The following SCNN1D variants were observed in gnomAD, a reference collection of about 807,000 sequenced individuals.
The protein encoded by SCNN1D is epithelial sodium channel subunit delta.
SCNN1D carries 104 observed loss-of-function variants against 87.8 expected under a neutral mutation model. The ratio of observed to expected loss-of-function variants is 1.18; its 90% CI spans 1.01 to 1.39. The LOEUF is 1.39. SCNN1D is among the 40% of genes most tolerant of loss of function. The pLI is 0.00. For missense variants in SCNN1D, 1,324 were observed against 1,093.9 expected, an observed-to-expected ratio of 1.21 and a Z score of -2.97; for synonymous variants, 628 against 481.2, an observed-to-expected ratio of 1.31 and a Z score of -3.99.
At chr1:1,285,809 G>A in intron 6 of SCNN1D, 117 bp from the exon 7 acceptor site, 2 of 1,234,928 alleles carry the variant, frequency 1.6e-6, no homozygotes, top group Non-Finnish European at 2.2e-6. Flanking sequence ...GGAGGGGCTT[G>A]TCCGAGCGAC....
Position 1,287,492 on chromosome 1 carries a change from T to C in SCNN1D, c.1311-16T>C, listed in dbSNP as rs2100329938. ...GCAGCCGACATTCAAGGTCTGAGCT[T>C]GGCTTCTCATTCCAGACAGTTCCGG... On this transcript the variant is annotated splice_polypyrimidine_tract_variant and intron_variant, in intron 9 of 17. Coordinates refer to ENST00000379116, the MANE Select transcript of SCNN1D (RefSeq NM_001130413.4). The C allele has an allele frequency of 6.6e-7, 1 of 1,517,578 alleles. No homozygotes were observed. The highest frequency in any genetic ancestry group is 8.8e-7 in the Non-Finnish European group (1 of 1,131,538). 94.0% of individuals were successfully genotyped at this position (1,517,578 alleles called of 1,614,324 possible).
At chr1:1,286,443 C>T (rs1237767183) in intron 7 of SCNN1D, among the ~76,000 whole-genome samples, 165 bp downstream of exon 7, 2 of 152,108 alleles carry the variant, frequency 1.3e-5, no homozygotes, top group East Asian at 1.9e-4. Context: ...GTGCCCAGCC[C>T]GGACCTCTCG....
rs571695833 is a variant in SCNN1D at position 1,287,120 on chromosome 1, G to A, written c.1131G>A (p.Thr377=). ...VRVGFRLCNS[T]GGDCFYRGYT... is the part of the protein sequence containing the mutation. ...CTCCCCTCTCCCAGTGCAACAGCAC[G>A]GGCGGCGACTGCTTTTACCGAGGCT... The change falls in exon 9 of 18, where the codon ACG becomes ACA. Residue 377 remains threonine (T), a synonymous_variant. Coordinates refer to ENST00000379116, the MANE Select transcript of SCNN1D (RefSeq NM_001130413.4). 38 of 1,595,298 alleles carry A rather than the reference G, an allele frequency of 2.4e-5. No individual in the cohort carries two copies. The highest frequency in any genetic ancestry group is 1.8e-4 in the South Asian group (16 of 89,932).
rs775774739 is a variant in SCNN1D, at chr1:1,288,021, C to T, written c.1646C>T (p.Thr549Ile). ...GTGGAGGTGGAGCTGCTACACAACA[C>T]CTCCTACACCAGGCAGGTGAGGCTG... ...EGVEVELLHN[T>I]SYTRQACLVS... Residue 549 changes from threonine to isoleucine, a missense_variant, in exon 12 of 18, where the codon ACC becomes ATC. Transcript: ENST00000379116. The T allele has an allele frequency of 2.6e-6, 4 of 1,538,676 alleles. No individual in the cohort carries two copies. The highest frequency in any genetic ancestry group is 1.4e-5 in the African/African-American group (1 of 70,330).
At position 1,291,731 on chromosome 1, in the gene SCNN1D, T is replaced by G. The variant is rs2100357804; in HGVS notation, c.*121T>G. 1 of 683,232 alleles carries G rather than the reference T, an allele frequency of 1.5e-6. No homozygotes were observed. Among genetic ancestry groups the G allele is most frequent in the Non-Finnish European group, 2.3e-6 (1 of 438,730 alleles). 42.3% of individuals were successfully genotyped at this position (683,232 alleles called of 1,614,324 possible). ...GCCCAGGAAGCAGCACACGCGGCCG[T>G]GGGGAGGCAGGCACCGGGCATGTCG... On this transcript the variant is annotated 3_prime_UTR_variant, in exon 18 of 18. Coordinates refer to ENST00000379116, the MANE Select transcript of SCNN1D (RefSeq NM_001130413.4).
At chr1:1,287,047 C>G in intron 8 of SCNN1D, 62 bp from the exon 9 acceptor site, 1 of 1,578,314 alleles carries the variant, frequency 6.3e-7, no homozygotes, top group Middle Eastern at 1.7e-4. Flanking sequence ...CTGCTGGTAC[C>G]TCGAGTGGGG....
In SCNN1D at chr1:1,284,382, T is replaced by A. The variant is rs1022764855; in HGVS notation, c.464+292T>A. On this transcript the variant is annotated intron_variant, in intron 5 of 17. Transcript: ENST00000379116. ...AGGTACCAGGGGCTGGGTTGGGGGG[T>A]CTCTTTCCGATGCCTGGCCCCGTGT... Among the ~76,000 whole-genome samples the A allele has an allele frequency of 7.9e-4, 97 of 122,042 alleles. 1 individual carries two copies. Among genetic ancestry groups the A allele is most frequent in the Admixed American group, 7.8e-3 (97 of 12,512 alleles). The allele number at this position is 122,042 out of a possible 152,430, so 80.1% of individuals were successfully genotyped here. A position where few individuals can be genotyped will look rare whatever the true frequency, so the allele number is the denominator to read the frequency against.
intron 4 of SCNN1D, among the ~76,000 whole-genome samples, chr1:1,282,756 C>CTTT (rs61112547): frequency 9.1e-5 from 13 of 142,600 alleles, no homozygotes; most frequent in African/African-American, 3.1e-4. Flanking sequence ...GAATCACTTT[C>CTTT]TTTTTTTTTT....
chr1:1,283,158 G>A (rs1286553341), intron 4 of SCNN1D, among the ~76,000 whole-genome samples: 1 of 152,178 alleles, frequency 6.6e-6, no homozygotes, highest in Non-Finnish European at 1.5e-5. Context: ...TGTGGTTGGT[G>A]GCAGCTATAG....
chr1:1,290,484 C>A lies in SCNN1D; in HGVS notation c.1788C>A (p.Cys596Ter), dbSNP rs774769100. 1.9e-6 allele frequency: 3 copies of A among 1,612,578 alleles called. No homozygotes were observed. The highest frequency in any genetic ancestry group is 2.5e-6 in the Non-Finnish European group (3 of 1,179,926). ...SSARHPAWGH[C>*]FYRLYQDLET... ...CTCTGACCCCTCCCCAAGGACACTGCTTCTACCGCCTCTACCAGGACCTGG... is the reference window on the plus strand; with the variant it reads ...CTCTGACCCCTCCCCAAGGACACTGATTCTACCGCCTCTACCAGGACCTGG... Residue 596 changes from cysteine (C) to a stop codon, truncating the protein, a stop_gained, in exon 14 of 18, where the codon TGC (cysteine) becomes TGA (stop). Coordinates refer to ENST00000379116, the MANE Select transcript of SCNN1D (RefSeq NM_001130413.4). LOFTEE classifies it high-confidence loss of function.
Position 1,290,344 on chromosome 1 carries a change from C to A in SCNN1D, c.1736C>A (p.Pro579Gln). ...CSCGYYLHPL[P>Q]AGAEYCSSAR... ...TGTGGCTACTACCTCCACCCTCTGC[C>A]GGCGGGGGCTGAGTACTGCAGCTCT... The change falls in exon 13 of 18, where the codon CCG (proline) becomes CAG (glutamine). Residue 579 changes from proline to glutamine, a missense_variant. Transcript: ENST00000379116. 1 of 1,595,968 alleles carries A rather than the reference C, an allele frequency of 6.3e-7. No homozygotes were observed. The highest frequency in any genetic ancestry group is 8.6e-7 in the Non-Finnish European group (1 of 1,169,428).
intron 5 of SCNN1D, among the ~76,000 whole-genome samples, chr1:1,285,137 G>A (rs187021254): frequency 3.0e-4 from 45 of 152,312 alleles, no homozygotes; most frequent in Non-Finnish European, 5.6e-4. Flanking sequence ...CCACACACCC[G>A]AGGGGAGCCG....
chr1:1,288,596 T>C (rs867686846), intron 12 of SCNN1D, among the ~76,000 whole-genome samples: 23 of 67,206 alleles, frequency 3.4e-4, no homozygotes, highest in Admixed American at 5.0e-4. Context: ...GTCCCGTGTC[T>C]CTGCTCCGTC....
chr1:1,285,443 G>T, intron 5 of SCNN1D, 128 bp from the exon 6 acceptor site: 1 of 631,432 alleles, frequency 1.6e-6, no homozygotes, highest in Non-Finnish European at 2.7e-6. Context: ...GGCACAGTCG[G>T]TCCTCAGCAG....
At chr1:1,289,455 G>A (rs1194008374) in intron 12 of SCNN1D, among the ~76,000 whole-genome samples, 1 of 42,884 alleles carries the variant, frequency 2.3e-5, no homozygotes, top group Non-Finnish European at 5.4e-5. Flanking sequence ...GCTCCGTCCC[G>A]TGTCTCTGCC....
chr1:1,288,156 TC>T (rs1640649279), intron 12 of SCNN1D, 119 bp downstream of exon 12: 2 of 755,790 alleles, frequency 2.6e-6, no homozygotes, highest in Non-Finnish European at 4.2e-6. Context: ...AACGGGGCAG[TC>T]CCCGTGGAGG....
intron 12 of SCNN1D, among the ~76,000 whole-genome samples, 191 bp downstream of exon 12, chr1:1,288,228 T>TCTGCTCCGTCCCCCGTGTCC (rs1557584213): frequency 3.1e-5 from 4 of 127,650 alleles, no homozygotes; most frequent in Admixed American, 9.1e-5. Context: ...GTCCCGTGTC[T>TCTGCTCCGTCCCCCGTGTCC]CTGCTCCGTC....
intron 7 of SCNN1D, 58 bp from the exon 8 acceptor site, chr1:1,286,710 C>G: frequency 1.3e-6 from 2 of 1,511,478 alleles, no homozygotes; most frequent in Non-Finnish European, 1.8e-6. Context: ...CACTGGGATG[C>G]TGGGGCCAGT....
intron 3 of SCNN1D, chr1:1,281,889 C>T: frequency 1.8e-6 from 1 of 568,122 alleles, no homozygotes; most frequent in South Asian, 2.2e-5. Context: ...TCTGCCAGGC[C>T]ACTCCCGGGG....
Sources: allele counts gnomAD v4.1 joint callset (sites outside exome capture counted in the v4.1 genomes callset), GRCh38; gene constraint gnomAD v4.1.1; transcripts MANE v1.5; gene names NCBI Gene and HGNC (gene_info 2026-07-23, HGNC 2026-07-21).